Variants in PPM1B observed in about 807,000 individuals in gnomAD.
PPM1B encodes the protein protein phosphatase 1B.
PPM1B carries 22 observed loss-of-function variants against 43.0 expected under a neutral mutation model. The observed-to-expected ratio is 0.51, with a 90% CI of 0.37 to 0.73. The LOEUF (loss-of-function observed/expected upper bound fraction) is 0.73. PPM1B is among the 30% of genes least tolerant of loss of function. The probability of loss-of-function intolerance (pLI) is 0.00; values close to 1 mark genes in which losing one functional copy is unlikely to be tolerated. For missense variants in PPM1B, 632 were observed against 584.2 expected (o/e 1.08, Z -0.84); for synonymous variants, 217 against 197.9 (o/e 1.10, Z -0.81).
downstream of PPM1B, among the ~76,000 whole-genome samples, chr2:44,235,383 C>A (rs555163744): frequency 5.3e-5 from 8 of 152,246 alleles, no homozygotes; most frequent in Non-Finnish European, 8.8e-5. Flanking sequence ...GCAGGCAGAT[C>A]ACCTGAGATC....
chr2:44,177,767 T>C (rs576436361), intron 1 of PPM1B, among the ~76,000 whole-genome samples: 2 of 152,018 alleles, frequency 1.3e-5, no homozygotes, highest in Admixed American at 1.3e-4. Context: ...AAGAGGTGTA[T>C]GTACATGACC....
intron 1 of PPM1B, among the ~76,000 whole-genome samples, chr2:44,173,542 A>G (rs1400287845): frequency 1.3e-5 from 2 of 152,256 alleles, no homozygotes; most frequent in African/African-American, 4.8e-5. Context: ...ATGGTAAACC[A>G]TGACACAGAA....
chr2:44,234,915 C>T (rs923431694), downstream of PPM1B, among the ~76,000 whole-genome samples: 1 of 152,028 alleles, frequency 6.6e-6, no homozygotes, highest in African/African-American at 2.4e-5. Flanking sequence ...TTTTGTGAGC[C>T]CTTTAATGTT....
intron 1 of PPM1B, among the ~76,000 whole-genome samples, chr2:44,200,254 T>C (rs957451446): frequency 1.3e-5 from 2 of 152,202 alleles, no homozygotes; most frequent in Non-Finnish European, 2.9e-5. Flanking sequence ...AGTTAGAGTG[T>C]AGGGTTAGCA....
Position 44,218,476 on chromosome 2 carries a change from T to C in PPM1B, c.1077-4T>C, listed in dbSNP as rs753602267. 1 of 1,575,376 alleles carries C rather than the reference T, an allele frequency of 6.3e-7. No individual in the cohort carries two copies. Among genetic ancestry groups the C allele is most frequent in the Non-Finnish European group, 8.6e-7 (1 of 1,163,356 alleles). ...TAAAACTAAAGCATGTTTTTTTTTT[T>C]TAGGCGTAATGTTATTGAAGCTGTT... is the stretch of plus-strand genomic sequence containing the variant. On this transcript the variant is annotated splice_region_variant and splice_polypyrimidine_tract_variant and intron_variant, in intron 4 of 5. Coordinates refer to ENST00000282412, the MANE Select transcript of PPM1B (RefSeq NM_002706.6).
At chr2:44,242,211 A>AT (rs1198212808) in intron 5 of PPM1B, among the ~76,000 whole-genome samples, 1 of 152,116 alleles carries the variant, frequency 6.6e-6, no homozygotes, top group African/African-American at 2.4e-5. Flanking sequence ...AATTGGCAGC[A>AT]TTTTTTCTTA....
downstream of PPM1B, chr2:44,233,347 A>G (rs1466543266): frequency 5.1e-6 from 5 of 983,386 alleles, no homozygotes; most frequent in African/African-American, 3.5e-5. Context: ...TTCATTTTAT[A>G]ACATTGGGCA....
At chr2:44,206,364 A>T (rs982864093) in intron 2 of PPM1B, among the ~76,000 whole-genome samples, 1 of 152,208 alleles carries the variant, frequency 6.6e-6, no homozygotes, top group Non-Finnish European at 1.5e-5. Flanking sequence ...ACATATTCAT[A>T]CTTGGTGTTT....
chr2:44,174,232 A>T (rs533924034), intron 1 of PPM1B, among the ~76,000 whole-genome samples: 1 of 152,346 alleles, frequency 6.6e-6, no homozygotes, highest in East Asian at 1.9e-4. Context: ...TAAAAATCTT[A>T]AAGTTTAGAA....
Position 44,201,245 on chromosome 2 carries a change from C to G in PPM1B, c.46C>G (p.His16Asp), listed in dbSNP as rs1260057629. ...DKPKTEKHNA[H>D]GAGNGLRYGL... is the part of the protein sequence containing the mutation. Reference sequence around the variant, plus strand: ...ACCCAAAACTGAAAAACATAATGCTCATGGTGCTGGGAATGGTTTACGTTA... The same window carrying G: ...ACCCAAAACTGAAAAACATAATGCTGATGGTGCTGGGAATGGTTTACGTTA... The change falls in exon 2 of 6, where the codon CAT becomes GAT. Residue 16 changes from histidine (H) to aspartate (D), a missense_variant. Around this residue, in one of 3 missense-constraint regions of PPM1B, gnomAD observed 200 missense variants for 200.7 expected, o/e 1.00. Coordinates refer to ENST00000282412, the MANE Select transcript of PPM1B (RefSeq NM_002706.6). This position sits in a 1 kb window ranked among gnomAD's most constrained non-coding sequence, Gnocchi z 5.4. The G allele has an allele frequency of 1.2e-6, 2 of 1,610,666 alleles. No homozygotes were observed. Among genetic ancestry groups the G allele is most frequent in the Non-Finnish European group, 1.7e-6 (2 of 1,178,184 alleles).
At chr2:44,241,857 CTTTT>C (rs397984437) in intron 5 of PPM1B, among the ~76,000 whole-genome samples, 2 of 90,958 alleles carry the variant, frequency 2.2e-5, no homozygotes, top group South Asian at 4.0e-4. Flanking sequence ...AGAAAATAAT[CTTTT>C]TTTTTTTTTT....
At chr2:44,222,816 T>C (rs1670034568) in intron 5 of PPM1B, among the ~76,000 whole-genome samples, 1 of 152,160 alleles carries the variant, frequency 6.6e-6, no homozygotes, top group African/African-American at 2.4e-5. Context: ...AATATCATGT[T>C]TATCAGTCTT....
chr2:44,222,034 G>A (rs888979950), intron 5 of PPM1B, among the ~76,000 whole-genome samples: 5 of 151,966 alleles, frequency 3.3e-5, no homozygotes, highest in Non-Finnish European at 7.4e-5. Context: ...TTAGTCTAGG[G>A]ATTCACGAAT....
At chr2:44,212,662 G>C (rs1158538288) in intron 3 of PPM1B, among the ~76,000 whole-genome samples, 3 of 151,892 alleles carry the variant, frequency 2.0e-5, no homozygotes, top group African/African-American at 7.3e-5. Flanking sequence ...CCTTCTTTTA[G>C]ATGTATTCCA....
intron 5 of PPM1B, among the ~76,000 whole-genome samples, chr2:44,240,219 A>T (rs1670716607): frequency 6.9e-6 from 1 of 145,876 alleles, no homozygotes. Context: ...TCCACATTCT[A>T]ATATAAAGAG....
chr2:44,201,261 G>A lies in PPM1B; in HGVS notation c.62G>A (p.Gly21Asp). 6.2e-7 allele frequency: 1 copy of A among 1,613,986 alleles called. No homozygotes were observed. The highest frequency in any genetic ancestry group is 8.5e-7 in the Non-Finnish European group (1 of 1,179,920). ...CATAATGCTCATGGTGCTGGGAATG[G>A]TTTACGTTATGGCCTGAGCAGCATG... ...EKHNAHGAGN[G>D]LRYGLSSMQG... Residue 21 changes from glycine (G) to aspartate (D), a missense_variant, in exon 2 of 6, where the codon GGT (glycine) becomes GAT (aspartate). Physicochemically the swap from Gly to Asp is moderately conservative, Grantham distance 94 (BLOSUM62 -1). Coordinates refer to ENST00000282412, the MANE Select transcript of PPM1B (RefSeq NM_002706.6). The surrounding 1 kb of genome is among the most constrained non-coding windows in gnomAD (Gnocchi z 5.4).
intron 1 of PPM1B, among the ~76,000 whole-genome samples, chr2:44,172,238 A>T (rs1034469110): frequency 6.6e-6 from 1 of 152,198 alleles, no homozygotes; most frequent in Non-Finnish European, 1.5e-5. Context: ...TAATTTCAGA[A>T]TTGGAATGAA....
downstream of PPM1B, chr2:44,232,371 T>C: frequency 3.1e-6 from 5 of 1,603,918 alleles, no homozygotes; most frequent in Non-Finnish European, 4.3e-6. Context: ...AAAATGCTTT[T>C]GATTCTGAAA....
At chr2:44,234,492 C>G (rs1157640577), downstream of PPM1B, 2 of 934,900 alleles carry the variant, frequency 2.1e-6, no homozygotes, top group Non-Finnish European at 2.5e-6. Context: ...GCACTCCAGC[C>G]TGGCGACAGA....
Sources: allele counts gnomAD v4.1 joint callset (sites outside exome capture counted in the v4.1 genomes callset), GRCh38; gene constraint gnomAD v4.1.1; regional missense constraint gnomAD v4.1.1; non-coding constraint Gnocchi (gnomAD v3.1); transcripts MANE v1.5; gene names NCBI Gene and HGNC (gene_info 2026-07-23, HGNC 2026-07-21).